The following FNBP1L variants were observed in gnomAD, a reference collection of about 807,000 sequenced individuals.
The protein encoded by FNBP1L is formin-binding protein 1-like.
A neutral mutation model predicts 91.2 loss-of-function variants in FNBP1L; 36 were observed. That is an observed-to-expected ratio of 0.39 (90% CI 0.30 to 0.52). The LOEUF (loss-of-function observed/expected upper bound fraction) is 0.52, where lower values mean the gene tolerates loss of function less well. Ranked by LOEUF, FNBP1L falls within the 20% of genes least tolerant of loss-of-function variation. The pLI, the probability that FNBP1L is intolerant of heterozygous loss-of-function variation, is 0.66. For missense variants in FNBP1L, 571 were observed against 732.1 expected, an observed-to-expected ratio of 0.78 and a Z score of 2.54; for synonymous variants, 242 against 237.0, an observed-to-expected ratio of 1.02 and a Z score of -0.19.
At chr1:93,471,261 CTT>C (rs2101697841) in intron 1 of FNBP1L, among the ~76,000 whole-genome samples, 1 of 152,238 alleles carries the variant, frequency 6.6e-6, no homozygotes, top group African/African-American at 2.4e-5. Flanking sequence ...CACTCAAAAA[CTT>C]TTGGATTTTG....
chr1:93,491,741 T>G lies in FNBP1L; in HGVS notation c.25-7727T>G, dbSNP rs1476809332. 2.1e-4 allele frequency among the ~76,000 whole-genome samples: 32 copies of G among 152,196 alleles called. 1 individual carries two copies. Among genetic ancestry groups the G allele is most frequent in the Admixed American group, 2.1e-3 (32 of 15,280 alleles). On this transcript the variant is annotated intron_variant, in intron 1 of 16. Coordinates refer to ENST00000271234, the MANE Select transcript of FNBP1L (RefSeq NM_001164473.3). ...TGATTGCTATTTTTTGAAGTTGGCT[T>G]TTATTTATTTTAAAAGTATAGTACA...
At chr1:93,549,814 C>T (rs576005547) in intron 15 of FNBP1L, among the ~76,000 whole-genome samples, 1 of 152,272 alleles carries the variant, frequency 6.6e-6, no homozygotes, top group South Asian at 2.1e-4. Context: ...TTGTAGCTTA[C>T]TAACATTAAG....
At chr1:93,507,091 A>T in intron 2 of FNBP1L, among the ~76,000 whole-genome samples, 1 of 129,924 alleles carries the variant, frequency 7.7e-6, no homozygotes, top group African/African-American at 3.2e-5. Context: ...ACACACACAC[A>T]CACACACACA....
intron 15 of FNBP1L, among the ~76,000 whole-genome samples, chr1:93,549,815 T>A (rs912608860): frequency 2.6e-5 from 4 of 152,210 alleles, no homozygotes; most frequent in African/African-American, 9.6e-5. Flanking sequence ...TGTAGCTTAC[T>A]AACATTAAGA....
At chr1:93,470,845 C>A (rs555824249) in intron 1 of FNBP1L, among the ~76,000 whole-genome samples, 2 of 149,188 alleles carry the variant, frequency 1.3e-5, no homozygotes, top group Non-Finnish European at 3.0e-5. Context: ...TGCACTGCAG[C>A]CTGGGTGACA....
chr1:93,456,944 A>C (rs1668690292), intron 1 of FNBP1L, among the ~76,000 whole-genome samples: 1 of 151,854 alleles, frequency 6.6e-6, no homozygotes, highest in African/African-American at 2.4e-5. Flanking sequence ...GCTGGAGTGC[A>C]GTGGTGCCAT....
At position 93,529,655 on chromosome 1, in the gene FNBP1L, A is replaced by G; in HGVS notation, c.409A>G (p.Lys137Glu). Residue 137 changes from lysine to glutamate, a missense_variant, in exon 6 of 17, where the codon AAA becomes GAA. Lys to Glu is a moderately conservative substitution (Grantham distance 56, BLOSUM62 1). This residue lies in a region of FNBP1L where 220 missense variants were observed against 313.6 expected (regional missense o/e 0.70). Transcript: ENST00000271234. ...GATATTTTAATTTTTTTAACAGAGT[A>G]AAAAGAAGTTTGAAAGAGAATGTAG... ...DMCWKQMDNSKKKFERECREA... is the reference protein window; with the variant it reads ...DMCWKQMDNSEKKFERECREA... 4 of 1,481,526 alleles carry G rather than the reference A, an allele frequency of 2.7e-6. No homozygotes were observed. Among genetic ancestry groups the G allele is most frequent in the East Asian group, 2.6e-5 (1 of 38,588 alleles). 91.8% of individuals were successfully genotyped at this position (1,481,526 alleles called of 1,614,324 possible).
chr1:93,536,618 G>A, intron 10 of FNBP1L, 128 bp downstream of exon 10: 1 of 794,378 alleles, frequency 1.3e-6, no homozygotes, highest in Non-Finnish European at 1.8e-6. Context: ...ACAGAATTAA[G>A]AATAGCTGCC....
intron 14 of FNBP1L, among the ~76,000 whole-genome samples, 152 bp downstream of exon 14, chr1:93,547,593 G>T (rs1042432437): frequency 6.6e-6 from 1 of 152,004 alleles, no homozygotes; most frequent in African/African-American, 2.4e-5. Context: ...TTTCTTTAGT[G>T]ATAATTACAG....
chr1:93,494,014 G>T (rs963142615), intron 1 of FNBP1L, among the ~76,000 whole-genome samples: 1 of 152,140 alleles, frequency 6.6e-6, no homozygotes, highest in Non-Finnish European at 1.5e-5. Context: ...GTCTGGAGTT[G>T]GTACAGATCC....
At chr1:93,543,181 T>A (rs1033753564) in intron 11 of FNBP1L, among the ~76,000 whole-genome samples, 1 of 152,170 alleles carries the variant, frequency 6.6e-6, no homozygotes, top group African/African-American at 2.4e-5. Context: ...TTAAGTAATA[T>A]AGGTTTATAT....
In FNBP1L at chr1:93,529,814, G is replaced by T. The variant is rs190336038; in HGVS notation, c.510+58G>T. The T allele has an allele frequency of 2.9e-4, 298 of 1,015,360 alleles. 2 individuals are homozygous for T. In the African/African-American group the frequency reaches 4.6e-3, roughly 16 times the overall value. The allele number at this position is 1,015,360 out of a possible 1,614,324, so 62.9% of individuals were successfully genotyped here. A position where few individuals can be genotyped will look rare whatever the true frequency, so the allele number is the denominator to read the frequency against. On this transcript the variant is annotated intron_variant, in intron 6 of 16. Coordinates refer to ENST00000271234, the MANE Select transcript of FNBP1L (RefSeq NM_001164473.3). ...AAATATTATTATTTGCATAAGGAAAGTAGTCACGACATTTGTATGACTACA... is the reference window on the plus strand; with the variant it reads ...AAATATTATTATTTGCATAAGGAAATTAGTCACGACATTTGTATGACTACA...
chr1:93,516,126 T>A (rs915922682), intron 2 of FNBP1L, among the ~76,000 whole-genome samples: 3 of 152,208 alleles, frequency 2.0e-5, no homozygotes, highest in African/African-American at 7.2e-5. Flanking sequence ...TTAATAGCCT[T>A]TCAGTGTATC....
chr1:93,551,187 T>C (rs1672404142), intron 16 of FNBP1L, 82 bp downstream of exon 16: 1 of 1,415,646 alleles, frequency 7.1e-7, no homozygotes, highest in Non-Finnish European at 9.3e-7. Flanking sequence ...TGAAAACACA[T>C]TCAACAGGTT....
chr1:93,541,083 C>T (rs954715145), intron 11 of FNBP1L, 27 bp downstream of exon 11: 1 of 1,532,158 alleles, frequency 6.5e-7, no homozygotes, highest in South Asian at 1.2e-5. Flanking sequence ...GATCTATATA[C>T]TGTGCCAACA....
chr1:93,459,733 G>A (rs1336762154), intron 1 of FNBP1L, among the ~76,000 whole-genome samples: 1 of 152,136 alleles, frequency 6.6e-6, no homozygotes, highest in Admixed American at 6.5e-5. Flanking sequence ...TTTATCCAAA[G>A]GATAGGAAAT....
At chr1:93,476,763 T>C (rs1369633921) in intron 1 of FNBP1L, among the ~76,000 whole-genome samples, 2 of 152,030 alleles carry the variant, frequency 1.3e-5, no homozygotes, top group Non-Finnish European at 2.9e-5. Flanking sequence ...CAGGAGGGTG[T>C]CTTTCTCAAT....
chr1:93,448,362 G>A (rs1668341065), intron 1 of FNBP1L, 57 bp downstream of exon 1: 1 of 1,461,476 alleles, frequency 6.8e-7, no homozygotes. Context: ...AGCGCGGGTT[G>A]GGCGGGCGCC....
chr1:93,484,278 C>T (rs1018993885), intron 1 of FNBP1L, among the ~76,000 whole-genome samples: 2 of 152,152 alleles, frequency 1.3e-5, no homozygotes, highest in Middle Eastern at 3.2e-3. Context: ...TAAATAGAGA[C>T]TGATCTTTGA....
Sources: allele counts gnomAD v4.1 joint callset (sites outside exome capture counted in the v4.1 genomes callset), GRCh38; gene constraint gnomAD v4.1.1; regional missense constraint gnomAD v4.1.1; transcripts MANE v1.5; gene names NCBI Gene and HGNC (gene_info 2026-07-23, HGNC 2026-07-21).